ABCC9: variants seen among roughly 807,000 people sequenced by gnomAD.
The protein encoded by ABCC9 is ATP-binding cassette sub-family C member 9.
In ABCC9, 95 loss-of-function variants were observed where a neutral mutation model predicts 188.3. That is an observed-to-expected ratio of 0.50 (90% CI 0.43 to 0.60). ABCC9 has a LOEUF of 0.60. ABCC9 is among the 20% of genes least tolerant of loss of function. ABCC9 has a pLI of 0.00. For synonymous variants in ABCC9, 659 were observed against 652.7 expected, an observed-to-expected ratio of 1.01 and a Z score of -0.15; for missense variants, 1,102 against 1,876.3, an observed-to-expected ratio of 0.59 and a Z score of 7.62.
intron 18 of ABCC9, among the ~76,000 whole-genome samples, chr12:21,865,261 G>A (rs1945724042): frequency 6.6e-6 from 1 of 152,026 alleles, no homozygotes; most frequent in Non-Finnish European, 1.5e-5. Flanking sequence ...GTATGTTTTT[G>A]TGGAGAAAAT....
chr12:21,838,299 C>T (rs1178670885), intron 29 of ABCC9, 129 bp from the exon 30 acceptor site: 5 of 736,556 alleles, frequency 6.8e-6, no homozygotes, highest in Non-Finnish European at 9.6e-6. Context: ...TCCCCTAGCA[C>T]TCAATTAACA....
intron 4 of ABCC9, among the ~76,000 whole-genome samples, chr12:21,931,773 G>A (rs1186518825): frequency 6.6e-6 from 1 of 152,060 alleles, no homozygotes; most frequent in Non-Finnish European, 1.5e-5. Flanking sequence ...CCTAGAATTG[G>A]CTATGCTAGT....
At chr12:21,922,751 CTTTTTTTTTTTTTTTTG>C (rs887826541) in intron 5 of ABCC9, among the ~76,000 whole-genome samples, 2 of 119,120 alleles carry the variant, frequency 1.7e-5, no homozygotes, top group Non-Finnish European at 3.6e-5. Context: ...TTTTTTTTTT[CTTTTTTTTTTTTTTTTG>C]GAGAAATTGT....
chr12:21,927,472 A>G (rs774448875), intron 4 of ABCC9, among the ~76,000 whole-genome samples: 2 of 152,230 alleles, frequency 1.3e-5, no homozygotes, highest in Non-Finnish European at 2.9e-5. Flanking sequence ...CAGCAGTAAC[A>G]TGAAGGAAAT....
At chr12:21,887,300 T>C (rs996795627) in intron 15 of ABCC9, among the ~76,000 whole-genome samples, 28 of 152,202 alleles carry the variant, frequency 1.8e-4, no homozygotes, top group African/African-American at 6.8e-4. Flanking sequence ...CAAGTTTTAA[T>C]TCTAGCTCTA....
At chr12:21,878,446 G>C (rs1946471019) in intron 16 of ABCC9, among the ~76,000 whole-genome samples, 1 of 152,178 alleles carries the variant, frequency 6.6e-6, no homozygotes, top group African/African-American at 2.4e-5. Flanking sequence ...ATGCTGTGGA[G>C]AAGGTGACAC....
At chr12:21,903,556 T>C (rs1387769453) in intron 12 of ABCC9, among the ~76,000 whole-genome samples, 1 of 152,204 alleles carries the variant, frequency 6.6e-6, no homozygotes, top group East Asian at 1.9e-4. Context: ...CAAATCTCCT[T>C]CAGCTGATAA....
intron 16 of ABCC9, among the ~76,000 whole-genome samples, chr12:21,878,424 C>G (rs1946469761): frequency 6.6e-6 from 1 of 152,120 alleles, no homozygotes; most frequent in African/African-American, 2.4e-5. Flanking sequence ...ACATGTATAA[C>G]CAGGCTGCTG....
chr12:21,803,243 A>G (rs1941589043), intron 39 of ABCC9, among the ~76,000 whole-genome samples: 2 of 152,140 alleles, frequency 1.3e-5, no homozygotes, highest in African/African-American at 2.4e-5. Flanking sequence ...GAAAAATATT[A>G]GCTGTTCAAT....
chr12:21,827,559 C>CAT (rs1453441371), intron 31 of ABCC9: 1 of 151,522 alleles, frequency 6.6e-6, no homozygotes, highest in Admixed American at 6.6e-5. Context: ...CACACACACA[C>CAT]ACACACACAC....
intron 4 of ABCC9, among the ~76,000 whole-genome samples, chr12:21,928,869 T>A (rs1949157649): frequency 1.3e-5 from 2 of 152,184 alleles, no homozygotes; most frequent in African/African-American, 4.8e-5. Flanking sequence ...AAATGCTAAT[T>A]TTTTCCCTTA....
chr12:21,907,852 G>A (rs115606421), intron 11 of ABCC9, among the ~76,000 whole-genome samples: 4 of 152,052 alleles, frequency 2.6e-5, no homozygotes, highest in Non-Finnish European at 1.5e-5. Context: ...CATGGGGAAC[G>A]GTGATTCTAG....
At chr12:21,938,789 T>C (rs1259970712) in intron 2 of ABCC9, among the ~76,000 whole-genome samples, 1 of 152,190 alleles carries the variant, frequency 6.6e-6, no homozygotes, top group Non-Finnish European at 1.5e-5. Context: ...TTGCCTGGTG[T>C]TTAATCAATC....
At chr12:21,854,408 G>A (rs1396219728) in intron 22 of ABCC9, among the ~76,000 whole-genome samples, 1 of 152,116 alleles carries the variant, frequency 6.6e-6, no homozygotes, top group East Asian at 1.9e-4. Flanking sequence ...AAGAATTATA[G>A]GAGCCTTTAA....
intron 34 of ABCC9, among the ~76,000 whole-genome samples, chr12:21,815,019 CA>C (rs1565691220): frequency 6.6e-6 from 1 of 151,868 alleles, no homozygotes; most frequent in Non-Finnish European, 1.5e-5. Flanking sequence ...CCTGTCTCTA[CA>C]AAAAATACAC....
chr12:21,813,978 A>G (rs1942435906), intron 35 of ABCC9, among the ~76,000 whole-genome samples: 1 of 152,186 alleles, frequency 6.6e-6, no homozygotes, highest in Non-Finnish European at 1.5e-5. Flanking sequence ...ATCCTCTTTC[A>G]TTCAAGATAC....
In ABCC9 at chr12:21,906,117, G is replaced by A; in HGVS notation, c.1618+9C>T. The A allele has an allele frequency of 1.2e-6, 2 of 1,612,610 alleles. No homozygotes were observed. The highest frequency in any genetic ancestry group is 2.2e-5 in the South Asian group (2 of 91,026). On this transcript the variant is annotated intron_variant, in intron 12 of 39. Coordinates refer to ENST00000261200, the MANE Select transcript of ABCC9 (RefSeq NM_020297.4). ...AAAGTCGCCTGTTCTTAGAGCAACA[G>A]CAACTTACTGGAGAGTGATGTATAT... is the stretch of plus-strand genomic sequence containing the variant.
At position 21,915,225 on chromosome 12, in the gene ABCC9, A is replaced by ATGTGTGTGTGTG. The variant is rs377233626; in HGVS notation, c.816+431_816+442dup. Among the ~76,000 whole-genome samples, 533 of 129,140 alleles carry ATGTGTGTGTGTG rather than the reference A, an allele frequency of 4.1e-3. 6 individuals carry two copies. Among genetic ancestry groups the ATGTGTGTGTGTG allele is most frequent in the Middle Eastern group, 9.1e-3 (2 of 220 alleles). The allele number at this position is 129,140 out of a possible 152,430, so 84.7% of individuals were successfully genotyped here. A position where few individuals can be genotyped will look rare whatever the true frequency, so the allele number is the denominator to read the frequency against. ...CTAAGCTTTGTGTCTTTATATATAT[A>ATGTGTGTGTGTG]TGTGTGTGTGTGTGTGTGTGTGTGT... is the stretch of plus-strand genomic sequence containing the variant. On this transcript the variant is annotated intron_variant, in intron 7 of 39. Coordinates refer to ENST00000261200, the MANE Select transcript of ABCC9 (RefSeq NM_020297.4).
chr12:21,806,547 G>C (rs1941860703), intron 38 of ABCC9, among the ~76,000 whole-genome samples: 1 of 152,102 alleles, frequency 6.6e-6, no homozygotes, highest in Non-Finnish European at 1.5e-5. Context: ...AGGCTGTTCT[G>C]GGTACAGATT....
Sources: gnomAD v4.1 joint callset for allele counts (sites outside exome capture counted in the v4.1 genomes callset) on GRCh38, gnomAD v4.1.1 for gene constraint, MANE v1.5 for transcripts, NCBI Gene and HGNC (gene_info 2026-07-23, HGNC 2026-07-21) for gene names.